Variants in SRGAP1 observed in about 807,000 individuals in gnomAD.
SRGAP1 encodes the protein SLIT-ROBO Rho GTPase-activating protein 1.
In SRGAP1, 43 loss-of-function variants were observed where a neutral mutation model predicts 121.9. The ratio of observed to expected loss-of-function variants is 0.35; its 90% CI spans 0.28 to 0.46. SRGAP1 has a LOEUF of 0.46. Ranked by LOEUF, SRGAP1 falls within the 20% of genes least tolerant of loss-of-function variation. SRGAP1 has a pLI of 1.00. For synonymous variants in SRGAP1, 447 were observed against 485.4 expected (o/e 0.92, Z 1.04); for missense variants, 1,102 against 1,350.9 (o/e 0.82, Z 2.89).
At chr12:63,955,952 T>C (rs774907361) in intron 1 of SRGAP1, among the ~76,000 whole-genome samples, 8 of 152,180 alleles carry the variant, frequency 5.3e-5, no homozygotes, top group Non-Finnish European at 1.0e-4. Flanking sequence ...CTCAAAAGGC[T>C]CCGTCCGAAA....
intron 7 of SRGAP1, 126 bp downstream of exon 7, chr12:64,063,264 T>G (rs1423638190): frequency 2.3e-6 from 2 of 855,726 alleles, no homozygotes; most frequent in Non-Finnish European, 3.6e-6. Context: ...CAGAGGCTCT[T>G]AATATAATGC....
At chr12:63,949,103 C>CAT (rs1418552813) in intron 1 of SRGAP1, among the ~76,000 whole-genome samples, 19 of 87,332 alleles carry the variant, frequency 2.2e-4, no homozygotes, top group Non-Finnish European at 2.8e-4. Flanking sequence ...ATGTATTTTC[C>CAT]ATATATATAC....
chr12:63,853,055 T>A (rs1899127153), intron 1 of SRGAP1, among the ~76,000 whole-genome samples: 1 of 151,742 alleles, frequency 6.6e-6, no homozygotes, highest in Non-Finnish European at 1.5e-5. Flanking sequence ...GTTTCACTCT[T>A]GTTGCCCAGG....
chr12:64,027,942 T>G (rs6581526), intron 4 of SRGAP1, among the ~76,000 whole-genome samples: 66,591 of 152,056 alleles, frequency 0.44, 15,091 homozygotes, highest in Non-Finnish European at 0.48. Context: ...TGAAGTATCT[T>G]GGGTCCTCAT....
intron 1 of SRGAP1, among the ~76,000 whole-genome samples, chr12:63,881,397 G>T (rs1331638395): frequency 6.6e-6 from 1 of 152,206 alleles, no homozygotes; most frequent in East Asian, 1.9e-4. Context: ...TTGATGATCT[G>T]TAGTAATGGA....
chr12:63,888,803 A>G (rs530747787), intron 1 of SRGAP1, among the ~76,000 whole-genome samples: 1 of 152,202 alleles, frequency 6.6e-6, no homozygotes, highest in Non-Finnish European at 1.5e-5. Flanking sequence ...AATGCATTGT[A>G]TCACAGGTTG....
rs1459806790 is a variant in SRGAP1 at position 63,848,037 on chromosome 12, G to A, written c.67+3154G>A. ...TATATATATATATAAAAGGAGTATC[G>A]GTCTGCTGCCCAGGCCAGAGTGCAG... On this transcript the variant is annotated intron_variant, in intron 1 of 21. Transcript: ENST00000355086. Among the ~76,000 whole-genome samples the A allele has an allele frequency of 2.0e-5, 3 of 148,734 alleles. 1 individual carries two copies. Among genetic ancestry groups the A allele is most frequent in the Non-Finnish European group, 4.5e-5 (3 of 67,400 alleles).
In SRGAP1 at chr12:63,868,068, T is replaced by A. The variant is rs868627029; in HGVS notation, c.67+23185T>A. Among the ~76,000 whole-genome samples the A allele has an allele frequency of 5.4e-3, 535 of 99,178 alleles. 4 individuals carry two copies. Among genetic ancestry groups the A allele is most frequent in the African/African-American group, 0.022 (468 of 21,506 alleles). The allele number at this position is 99,178 out of a possible 152,430, so 65.1% of individuals were successfully genotyped here. A position where few individuals can be genotyped will look rare whatever the true frequency, so the allele number is the denominator to read the frequency against. The stretch of plus-strand genomic sequence containing the variant: ...TATATATATATATATTTTTTTTTTT[T>A]TTTTTTTTTTGTTTTTTTTTTTTTG... On this transcript the variant is annotated intron_variant, in intron 1 of 21. Transcript: ENST00000355086.
chr12:63,951,483 A>G (rs371907298), intron 1 of SRGAP1, among the ~76,000 whole-genome samples: 2 of 152,110 alleles, frequency 1.3e-5, no homozygotes, highest in African/African-American at 2.4e-5. Context: ...AACTATTTTA[A>G]CCACTGCCCT....
chr12:63,952,813 T>C (rs2032340566), intron 1 of SRGAP1, among the ~76,000 whole-genome samples: 1 of 152,164 alleles, frequency 6.6e-6, no homozygotes, highest in Non-Finnish European at 1.5e-5. Context: ...AATTTTTTTA[T>C]TTTTTATTTA....
At chr12:64,087,065 C>A (rs753997311) in intron 11 of SRGAP1, 39 bp downstream of exon 11, 23 of 1,481,794 alleles carry the variant, frequency 1.6e-5, no homozygotes, top group Non-Finnish European at 1.9e-5. Flanking sequence ...GCGTATTTTA[C>A]TTTCTCTTTA....
At chr12:63,849,596 A>G (rs1471003186) in intron 1 of SRGAP1, among the ~76,000 whole-genome samples, 3 of 152,250 alleles carry the variant, frequency 2.0e-5, no homozygotes, top group African/African-American at 4.8e-5. Context: ...CAGATGGAAC[A>G]TGAGGAAATG....
At chr12:64,024,459 A>G (rs1394481201) in intron 4 of SRGAP1, among the ~76,000 whole-genome samples, 1 of 152,190 alleles carries the variant, frequency 6.6e-6, no homozygotes, top group African/African-American at 2.4e-5. Flanking sequence ...AGAAAAAGAA[A>G]AAGAAAAACA....
intron 11 of SRGAP1, among the ~76,000 whole-genome samples, chr12:64,087,845 A>G (rs1944251858): frequency 6.6e-6 from 1 of 152,260 alleles, no homozygotes; most frequent in African/African-American, 2.4e-5. Context: ...TTTAACTTTT[A>G]ACACATACTC....
chr12:64,095,276 C>G, intron 14 of SRGAP1, 72 bp downstream of exon 14: 2 of 1,357,992 alleles, frequency 1.5e-6, no homozygotes, highest in Non-Finnish European at 2.1e-6. Flanking sequence ...GAAGTGGCAC[C>G]CTTATTCTGT....
intron 1 of SRGAP1, among the ~76,000 whole-genome samples, chr12:63,867,819 A>G (rs1259675236): frequency 6.6e-6 from 1 of 151,658 alleles, no homozygotes; most frequent in African/African-American, 2.4e-5. Flanking sequence ...TACTTAACAG[A>G]TTAAAATCTT....
intron 6 of SRGAP1, among the ~76,000 whole-genome samples, chr12:64,060,685 T>C (rs984383486): frequency 1.3e-5 from 2 of 152,226 alleles, no homozygotes; most frequent in African/African-American, 4.8e-5. Context: ...ACCTATTTAA[T>C]TTAATTCCAA....
chr12:64,091,438 C>T, intron 12 of SRGAP1, 60 bp downstream of exon 12: 1 of 1,280,142 alleles, frequency 7.8e-7, no homozygotes, highest in Non-Finnish European at 1.1e-6. Flanking sequence ...ATGGTCTCAG[C>T]CTCTTGTAAG....
chr12:63,881,182 A>T (rs922182397), intron 1 of SRGAP1, among the ~76,000 whole-genome samples: 2 of 152,196 alleles, frequency 1.3e-5, no homozygotes, highest in Non-Finnish European at 2.9e-5. Flanking sequence ...TAGAGTACAC[A>T]CAATGGTGTG....
Sources: gnomAD v4.1 joint callset for allele counts (sites outside exome capture counted in the v4.1 genomes callset) on GRCh38, gnomAD v4.1.1 for gene constraint, MANE v1.5 for transcripts, NCBI Gene and HGNC (gene_info 2026-07-23, HGNC 2026-07-21) for gene names.